Variants in PTGES observed in about 807,000 individuals in gnomAD.
The protein encoded by PTGES is MGST1-like 1.
Under a neutral mutation model 11.8 loss-of-function variants are expected in PTGES, and 3 were observed. The ratio of observed to expected loss-of-function variants is 0.25; its 90% CI spans 0.12 to 0.66. The LOEUF is 0.66. Ranked by LOEUF, PTGES falls within the 30% of genes least tolerant of loss-of-function variation. PTGES has a pLI of 0.82. For missense variants in PTGES, 180 were observed against 213.0 expected, an observed-to-expected ratio of 0.85 and a Z score of 0.96; for synonymous variants, 94 against 90.4, an observed-to-expected ratio of 1.04 and a Z score of -0.22.
At chr9:129,743,825 C>T (rs1463989970) in intron 2 of PTGES, among the ~76,000 whole-genome samples, 1 of 152,178 alleles carries the variant, frequency 6.6e-6, no homozygotes, top group Non-Finnish European at 1.5e-5. Context: ...CTGGAAAGTG[C>T]TTACAACACT....
intron 2 of PTGES, among the ~76,000 whole-genome samples, chr9:129,741,069 A>G (rs1440834164): frequency 6.6e-6 from 1 of 152,126 alleles, no homozygotes; most frequent in East Asian, 1.9e-4. Context: ...AAAAGGAAAG[A>G]GGGGGCCTGG....
intron 2 of PTGES, among the ~76,000 whole-genome samples, chr9:129,748,215 TAAAAA>T (rs67000610): frequency 3.7e-3 from 265 of 71,030 alleles, no homozygotes; most frequent in African/African-American, 0.015. Flanking sequence ...GTTGCCATAT[TAAAAA>T]AAAAAAAAAA....
intron 2 of PTGES, among the ~76,000 whole-genome samples, chr9:129,741,644 G>C (rs1212810163): frequency 6.6e-6 from 1 of 152,190 alleles, no homozygotes; most frequent in Non-Finnish European, 1.5e-5. Context: ...ACAGACTCAC[G>C]CCTGTAATCC....
At chr9:129,750,181 CCAGA>C (rs1187548908) in intron 1 of PTGES, among the ~76,000 whole-genome samples, 3 of 152,200 alleles carry the variant, frequency 2.0e-5, no homozygotes, top group Non-Finnish European at 2.9e-5. Context: ...CTGCTGGCAT[CCAGA>C]CAGTCAGACC....
intron 1 of PTGES, 136 bp downstream of exon 1, chr9:129,752,751 G>A (rs993639948): frequency 1.7e-5 from 22 of 1,322,426 alleles, no homozygotes; most frequent in African/African-American, 1.4e-4. Context: ...GAAGCCCCCC[G>A]GCGGGGCTGG....
intron 1 of PTGES, among the ~76,000 whole-genome samples, chr9:129,751,441 G>T (rs1833107259): frequency 6.6e-6 from 1 of 152,080 alleles, no homozygotes; most frequent in African/African-American, 2.4e-5. Flanking sequence ...CACTTTGGGA[G>T]GCTGAGGCGG....
chr9:129,752,827 G>T, intron 1 of PTGES, 60 bp downstream of exon 1: 1 of 1,612,344 alleles, frequency 6.2e-7, no homozygotes, highest in African/African-American at 1.3e-5. Flanking sequence ...GGGCTTTCCT[G>T]ACAGGACGTG....
At chr9:129,749,524 T>C (rs1008202396) in intron 1 of PTGES, 2 of 152,176 alleles carry the variant, frequency 1.3e-5, no homozygotes, top group Non-Finnish European at 2.9e-5. Flanking sequence ...TACACACCTG[T>C]GGTCCCAGCT....
chr9:129,750,854 G>A (rs1291266219), intron 1 of PTGES, among the ~76,000 whole-genome samples: 1 of 152,148 alleles, frequency 6.6e-6, no homozygotes, highest in African/African-American at 2.4e-5. Flanking sequence ...GTCACCTCCA[G>A]CAAGTCCTTC....
Position 129,739,433 on chromosome 9 carries a change from TACAC to T in PTGES, c.*174_*177del, listed in dbSNP as rs367837009. Reference sequence around the variant, plus strand: ...GGGCTAAGAAACATACACACACACATACACACACACGGGCACACACACAGGCCCA... The same window carrying T: ...GGGCTAAGAAACATACACACACACATACACACGGGCACACACACAGGCCCA... On this transcript the variant is annotated 3_prime_UTR_variant, in exon 3 of 3. Coordinates refer to ENST00000340607, the MANE Select transcript of PTGES (RefSeq NM_004878.5). The surrounding 1 kb of genome is among the most constrained non-coding windows in gnomAD (Gnocchi z 5.7). 2.4e-6 allele frequency: 2 copies of T among 828,178 alleles called. No individual in the cohort carries two copies. Among genetic ancestry groups the T allele is most frequent in the East Asian group, 2.7e-5 (1 of 37,174 alleles). The allele number at this position is 828,178 out of a possible 1,614,324, so 51.3% of individuals were successfully genotyped here.
At chr9:129,752,719 T>C (rs1054028726) in intron 1 of PTGES, among the ~76,000 whole-genome samples, 168 bp downstream of exon 1, 15 of 152,222 alleles carry the variant, frequency 9.9e-5, no homozygotes, top group Non-Finnish European at 2.9e-5. Context: ...GTGCAGGCCT[T>C]GCTGACACGT....
chr9:129,749,185 A>G (rs1833077827), intron 1 of PTGES, among the ~76,000 whole-genome samples: 1 of 152,200 alleles, frequency 6.6e-6, no homozygotes, highest in African/African-American at 2.4e-5. Context: ...TGAGCCCAGG[A>G]GTTCAAAACC....
intron 1 of PTGES, among the ~76,000 whole-genome samples, chr9:129,749,845 A>G (rs567958374): frequency 3.0e-4 from 45 of 152,308 alleles, no homozygotes; most frequent in African/African-American, 1.1e-3. Context: ...CAGGGGCCCA[A>G]GATAAAGGGA....
At chr9:129,752,076 T>C (rs2130956175) in intron 1 of PTGES, among the ~76,000 whole-genome samples, 1 of 152,296 alleles carries the variant, frequency 6.6e-6, no homozygotes, top group South Asian at 2.1e-4. Flanking sequence ...GTGGCCAAGA[T>C]CCTCACTCCC....
rs556796711 is a variant in PTGES, at chr9:129,751,194, A to G, written c.126+1693T>C. Among the ~76,000 whole-genome samples, 13 of 152,176 alleles carry G rather than the reference A, an allele frequency of 8.5e-5. No homozygotes were observed. In the East Asian group the frequency reaches 2.5e-3, roughly 29 times the overall value. On this transcript the variant is annotated intron_variant, in intron 1 of 2. Coordinates refer to ENST00000340607, the MANE Select transcript of PTGES (RefSeq NM_004878.5). ...CATAAAAAATTAGGAGCAGTGACGCACACCTATAGTCCCAGCTACTTGGGA... is the reference window on the plus strand; with the variant it reads ...CATAAAAAATTAGGAGCAGTGACGCGCACCTATAGTCCCAGCTACTTGGGA...
At chr9:129,741,662 T>A (rs1005933068) in intron 2 of PTGES, among the ~76,000 whole-genome samples, 5 of 152,108 alleles carry the variant, frequency 3.3e-5, no homozygotes, top group Non-Finnish European at 5.9e-5. Flanking sequence ...TCCCAGCACT[T>A]TGGGAGGCCA....
intron 2 of PTGES, among the ~76,000 whole-genome samples, chr9:129,746,634 A>G (rs999930446): frequency 1.3e-5 from 2 of 152,164 alleles, no homozygotes; most frequent in Non-Finnish European, 2.9e-5. Flanking sequence ...TATTATTTAA[A>G]TGACAGTGTC....
At chr9:129,750,681 C>T (rs868530573) in intron 1 of PTGES, among the ~76,000 whole-genome samples, 1 of 152,178 alleles carries the variant, frequency 6.6e-6, no homozygotes, top group Non-Finnish European at 1.5e-5. Context: ...CTGCGATGCT[C>T]ATGTTAATTT....
intron 2 of PTGES, among the ~76,000 whole-genome samples, chr9:129,744,173 G>A (rs1250581478): frequency 1.3e-5 from 2 of 152,018 alleles, no homozygotes; most frequent in African/African-American, 4.8e-5. Flanking sequence ...TAAGCAAGCC[G>A]CCATCTCCTC....
Sources: allele counts gnomAD v4.1 joint callset (sites outside exome capture counted in the v4.1 genomes callset), GRCh38; gene constraint gnomAD v4.1.1; non-coding constraint Gnocchi (gnomAD v3.1); transcripts MANE v1.5; gene names NCBI Gene and HGNC (gene_info 2026-07-23, HGNC 2026-07-21).